CLEC19A: variants seen among roughly 807,000 people sequenced by gnomAD.
CLEC19A encodes the protein C-type lectin domain containing 19A.
In CLEC19A, 21 loss-of-function variants were observed where a neutral mutation model predicts 26.1. The observed-to-expected ratio is 0.80, with a 90% CI of 0.57 to 1.16. The LOEUF is 1.16. Among genes scored for constraint, CLEC19A ranks in the 50% most tolerant of loss-of-function variants. The probability of loss-of-function intolerance (pLI) is 0.00; values close to 1 mark genes in which losing one functional copy is unlikely to be tolerated. For missense variants in CLEC19A, 224 were observed against 227.6 expected, an observed-to-expected ratio of 0.98 and a Z score of 0.10; for synonymous variants, 89 against 88.6, an observed-to-expected ratio of 1.00 and a Z score of -0.03.
chr16:19,299,704 A>T (rs1897777387), intron 2 of CLEC19A, among the ~76,000 whole-genome samples: 1 of 151,616 alleles, frequency 6.6e-6, no homozygotes, highest in South Asian at 2.1e-4. Context: ...CCCTAATTAC[A>T]CTCATTACCC....
intron 1 of CLEC19A, among the ~76,000 whole-genome samples, chr16:19,298,015 C>G (rs1597083878): frequency 1.3e-5 from 2 of 151,860 alleles, no homozygotes; most frequent in East Asian, 3.9e-4. Flanking sequence ...TTTTGGGAGG[C>G]CGAGGCGGGC....
At chr16:19,303,986 A>G (rs1897890894) in intron 2 of CLEC19A, 76 bp from the exon 3 acceptor site, 1 of 1,230,412 alleles carries the variant, frequency 8.1e-7, no homozygotes, top group Admixed American at 2.2e-5. Flanking sequence ...GTAAATATGG[A>G]TTGCTTTCAA....
chr16:19,296,665 G>T (rs1597083019), intron 1 of CLEC19A, among the ~76,000 whole-genome samples: 1 of 152,122 alleles, frequency 6.6e-6, no homozygotes, highest in Admixed American at 6.6e-5. Flanking sequence ...GATGATCTTG[G>T]GCGAGTTACT....
At position 19,308,037 on chromosome 16, in the gene CLEC19A, C is replaced by T. The variant is rs546444535; in HGVS notation, c.481+360C>T. On this transcript the variant is annotated intron_variant, in intron 4 of 4. Transcript: ENST00000636231. ...AAAGTGCAAGCCCCTTCCACAGACT[C>T]ATGCTCCTGAAGCAAGCCACATGTG... Among the ~76,000 whole-genome samples, 6 of 152,328 alleles carry T rather than the reference C, an allele frequency of 3.9e-5. No individual in the cohort carries two copies. The South Asian group carries it at 8.3e-4, about 21-fold the overall frequency.
chr16:19,288,988 TAC>T lies in CLEC19A; in HGVS notation c.88+3050_88+3051del, dbSNP rs556932347. Among the ~76,000 whole-genome samples, 41 of 152,286 alleles carry T rather than the reference TAC, an allele frequency of 2.7e-4. No homozygotes were observed. The South Asian group carries it at 8.3e-3, about 31-fold the overall frequency. On this transcript the variant is annotated intron_variant, in intron 1 of 4. Transcript: ENST00000636231. ...CTGTTTCTACTGTAATAATATCTAATACTTACTAGAGTCTCTACCTCTGAGCT... is the reference window on the plus strand; with the variant it reads ...CTGTTTCTACTGTAATAATATCTAATTTACTAGAGTCTCTACCTCTGAGCT...
intron 2 of CLEC19A, 155 bp from the exon 3 acceptor site, chr16:19,303,907 A>T: frequency 1.6e-6 from 1 of 612,546 alleles, no homozygotes; most frequent in South Asian, 2.0e-5. Flanking sequence ...GACCGGCCAC[A>T]TATGGGTGAC....
In CLEC19A at chr16:19,310,725, A is replaced by G. The variant is rs577834705; in HGVS notation, c.*1642A>G. The G allele has an allele frequency of 4.6e-5, 7 of 152,388 alleles. No individual in the cohort carries two copies. The highest frequency in any genetic ancestry group is 1.7e-4 in the African/African-American group (7 of 41,588). The allele number at this position is 152,388 out of a possible 1,614,324, so 9.4% of individuals were successfully genotyped here. A position where few individuals can be genotyped will look rare whatever the true frequency, so the allele number is the denominator to read the frequency against. On this transcript the variant is annotated 3_prime_UTR_variant, in exon 5 of 5. Coordinates refer to ENST00000636231, the MANE Select transcript of CLEC19A (RefSeq NM_001256720.2). ...ATGATTCCATATATATGAAATATCCAGAATAGGCAAGTCTATAGAGATGGA... is the reference window on the plus strand; with the variant it reads ...ATGATTCCATATATATGAAATATCCGGAATAGGCAAGTCTATAGAGATGGA...
At chr16:19,307,795 G>T in intron 4 of CLEC19A, 118 bp downstream of exon 4, 2 of 1,366,202 alleles carry the variant, frequency 1.5e-6, no homozygotes, top group East Asian at 2.5e-5. Context: ...CTGGCAAATT[G>T]TTCAGCACCT....
At chr16:19,305,897 G>A (rs1897942474) in intron 3 of CLEC19A, among the ~76,000 whole-genome samples, 2 of 152,036 alleles carry the variant, frequency 1.3e-5, no homozygotes, top group African/African-American at 2.4e-5. Context: ...AGGCTGGAGT[G>A]CAGTGGCGCA....
intron 3 of CLEC19A, among the ~76,000 whole-genome samples, chr16:19,305,766 G>A (rs1897939404): frequency 6.6e-6 from 1 of 152,188 alleles, no homozygotes; most frequent in South Asian, 2.1e-4. Flanking sequence ...CATTAAGGAT[G>A]ATGAATATTG....
chr16:19,310,041 G>A lies in CLEC19A; in HGVS notation c.*958G>A, dbSNP rs1038877164. The A allele has an allele frequency of 1.3e-5, 2 of 152,138 alleles. No individual in the cohort carries two copies. Among genetic ancestry groups the A allele is most frequent in the African/African-American group, 4.8e-5 (2 of 41,414 alleles). 9.4% of individuals were successfully genotyped at this position (152,138 alleles called of 1,614,324 possible). On this transcript the variant is annotated 3_prime_UTR_variant, in exon 5 of 5. Coordinates refer to ENST00000636231, the MANE Select transcript of CLEC19A (RefSeq NM_001256720.2). Reference sequence around the variant, plus strand: ...AAGATTACCAAACTCATAAATTGCTGGTGGGAATGTAAAATAGTGAAGCCA... The same window carrying A: ...AAGATTACCAAACTCATAAATTGCTAGTGGGAATGTAAAATAGTGAAGCCA...
At chr16:19,302,462 A>G (rs757818610) in intron 2 of CLEC19A, among the ~76,000 whole-genome samples, 4 of 152,210 alleles carry the variant, frequency 2.6e-5, no homozygotes, top group Admixed American at 1.3e-4. Flanking sequence ...GAAGTGAATT[A>G]TTGAAGCTGA....
At chr16:19,307,840 C>T (rs1567257653) in intron 4 of CLEC19A, among the ~76,000 whole-genome samples, 163 bp downstream of exon 4, 1 of 152,152 alleles carries the variant, frequency 6.6e-6, no homozygotes, top group Non-Finnish European at 1.5e-5. Flanking sequence ...GTGTCGGGGG[C>T]ATGGCCATTC....
intron 2 of CLEC19A, among the ~76,000 whole-genome samples, chr16:19,299,477 C>T (rs775009653): frequency 1.3e-4 from 20 of 152,210 alleles, no homozygotes; most frequent in Non-Finnish European, 1.8e-4. Context: ...AGCCCACCCT[C>T]CAAGGCCTCC....
chr16:19,291,116 A>G (rs1275677537), intron 1 of CLEC19A, among the ~76,000 whole-genome samples: 1 of 152,230 alleles, frequency 6.6e-6, no homozygotes, highest in East Asian at 1.9e-4. Context: ...GTCTGGGATT[A>G]CAGGCATGAG....
chr16:19,298,918 G>A (rs932638177), intron 2 of CLEC19A, 80 bp downstream of exon 2: 2 of 1,384,930 alleles, frequency 1.4e-6, no homozygotes, highest in African/African-American at 1.5e-5. Flanking sequence ...TTTCCAACTG[G>A]CATTTCTCTT....
In CLEC19A at chr16:19,309,056, C is replaced by A; in HGVS notation, c.534C>A (p.Cys178Ter). The change falls in exon 5 of 5, where the codon TGC (cysteine) becomes TGA (stop). Residue 178 changes from cysteine (C) to a stop codon, truncating the protein, a stop_gained. Coordinates refer to ENST00000636231, the MANE Select transcript of CLEC19A (RefSeq NM_001256720.2). LOFTEE classifies it high-confidence loss of function. ...NTCSRKFPFV[C>*]KIPSLTIH is the part of the protein sequence containing the mutation. ...GCAGCCGGAAGTTCCCCTTTGTCTGCAAAATCCCATCTCTGACCATTCATT... is the reference window on the plus strand; with the variant it reads ...GCAGCCGGAAGTTCCCCTTTGTCTGAAAAATCCCATCTCTGACCATTCATT... The A allele has an allele frequency of 6.5e-7, 1 of 1,548,268 alleles. No individual in the cohort carries two copies. The highest frequency in any genetic ancestry group is 8.7e-7 in the Non-Finnish European group (1 of 1,146,722).
Position 19,309,661 on chromosome 16 carries a change from T to G in CLEC19A, c.*578T>G, listed in dbSNP as rs919403658. 2 of 152,622 alleles carry G rather than the reference T, an allele frequency of 1.3e-5. No homozygotes were observed. The highest frequency in any genetic ancestry group is 2.9e-5 in the Non-Finnish European group (2 of 68,418). 9.5% of individuals were successfully genotyped at this position (152,622 alleles called of 1,614,324 possible). On this transcript the variant is annotated 3_prime_UTR_variant, in exon 5 of 5. Coordinates refer to ENST00000636231, the MANE Select transcript of CLEC19A (RefSeq NM_001256720.2). ...TTTTTTTTGAGACAGAGTCTCACTC[T>G]GTTGCCCAGGCTGAAGTGCAATGAT...
At chr16:19,292,970 G>A (rs982212215) in intron 1 of CLEC19A, among the ~76,000 whole-genome samples, 14 of 152,162 alleles carry the variant, frequency 9.2e-5, no homozygotes, top group African/African-American at 3.1e-4. Flanking sequence ...CCTGGGAGGT[G>A]AGACAAAGCA....
Sources: gnomAD v4.1 joint callset for allele counts (sites outside exome capture counted in the v4.1 genomes callset) on GRCh38, gnomAD v4.1.1 for gene constraint, MANE v1.5 for transcripts, NCBI Gene and HGNC (gene_info 2026-07-23, HGNC 2026-07-21) for gene names.